The following SLC4A10 variants were observed in gnomAD, a reference collection of about 807,000 sequenced individuals.
The protein encoded by SLC4A10 is solute carrier family 4 member 10.
In SLC4A10, 42 loss-of-function variants were observed where a neutral mutation model predicts 137.7. The ratio of observed to expected loss-of-function variants is 0.30; its 90% CI spans 0.24 to 0.39. SLC4A10 has a LOEUF of 0.39. SLC4A10 is among the 10% of genes least tolerant of loss of function. The probability of loss-of-function intolerance (pLI) is 1.00; values close to 1 mark genes in which losing one functional copy is unlikely to be tolerated. For synonymous variants in SLC4A10, 474 were observed against 464.1 expected (o/e 1.02, Z -0.27); for missense variants, 925 against 1,355.0 (o/e 0.68, Z 4.98).
intron 16 of SLC4A10, among the ~76,000 whole-genome samples, chr2:161,946,777 C>T (rs1468575810): frequency 6.6e-6 from 1 of 152,022 alleles, no homozygotes; most frequent in Admixed American, 6.6e-5. Context: ...TACAGAACTA[C>T]AGTTGCAGAA....
chr2:161,778,768 C>A (rs1175021617), intron 2 of SLC4A10, among the ~76,000 whole-genome samples: 1 of 151,734 alleles, frequency 6.6e-6, no homozygotes, highest in East Asian at 1.9e-4. Flanking sequence ...TTTAAAGATA[C>A]TTTAAAAAAA....
intron 1 of SLC4A10, among the ~76,000 whole-genome samples, chr2:161,661,531 T>C (rs2038404178): frequency 6.6e-6 from 1 of 152,242 alleles, no homozygotes; most frequent in Admixed American, 6.5e-5. Flanking sequence ...TGAGTGGAAG[T>C]CTTTCTTTTG....
chr2:161,759,400 T>A (rs2050010591), intron 1 of SLC4A10, among the ~76,000 whole-genome samples: 1 of 151,988 alleles, frequency 6.6e-6, no homozygotes, highest in African/African-American at 2.4e-5. Context: ...TTAACTATAG[T>A]CATCATGCTC....
intron 1 of SLC4A10, among the ~76,000 whole-genome samples, chr2:161,766,522 GT>G (rs1265115339): frequency 6.6e-6 from 1 of 152,096 alleles, no homozygotes; most frequent in Non-Finnish European, 1.5e-5. Context: ...AATAGTGCTT[GT>G]TTTGACCTTT....
intron 1 of SLC4A10, among the ~76,000 whole-genome samples, chr2:161,744,341 G>T (rs964707970): frequency 8.6e-5 from 13 of 151,948 alleles, no homozygotes; most frequent in Non-Finnish European, 1.9e-4. Context: ...TAACATGAAG[G>T]GATGCTGAAT....
At chr2:161,633,025 T>C (rs2033841967) in intron 1 of SLC4A10, among the ~76,000 whole-genome samples, 1 of 151,572 alleles carries the variant, frequency 6.6e-6, no homozygotes, top group East Asian at 1.9e-4. Flanking sequence ...ATGATTTCAA[T>C]ATATGATGGC....
chr2:161,908,928 A>C (rs1685134791), intron 15 of SLC4A10, among the ~76,000 whole-genome samples: 1 of 151,998 alleles, frequency 6.6e-6, no homozygotes, highest in South Asian at 2.1e-4. Context: ...TAAGTAAGAC[A>C]AATGCTCAAA....
chr2:161,895,935 AT>A (rs1404551203), intron 11 of SLC4A10, among the ~76,000 whole-genome samples: 3 of 150,910 alleles, frequency 2.0e-5, no homozygotes. Context: ...CCATTTGTCA[AT>A]TTTGGCTTTT....
At chr2:161,887,386 G>T in intron 10 of SLC4A10, among the ~76,000 whole-genome samples, 1 of 140,150 alleles carries the variant, frequency 7.1e-6, no homozygotes, top group Non-Finnish European at 1.6e-5. Flanking sequence ...TTGAGGAATT[G>T]CCACACTGTC....
chr2:161,769,579 G>T (rs919148485), intron 1 of SLC4A10, among the ~76,000 whole-genome samples: 1 of 151,828 alleles, frequency 6.6e-6, no homozygotes, highest in African/African-American at 2.4e-5. Context: ...TTCCTTATAT[G>T]TTCCCCTCAG....
At chr2:161,654,335 T>C (rs1054187388) in intron 1 of SLC4A10, among the ~76,000 whole-genome samples, 2 of 152,212 alleles carry the variant, frequency 1.3e-5, no homozygotes, top group African/African-American at 4.8e-5. Context: ...AGGTTGCGTT[T>C]TCACTCTGTG....
intron 2 of SLC4A10, among the ~76,000 whole-genome samples, chr2:161,788,511 G>T (rs2053872463): frequency 6.6e-6 from 1 of 151,956 alleles, no homozygotes; most frequent in Non-Finnish European, 1.5e-5. Context: ...GGGGCAGGGG[G>T]CCTGCATTAG....
chr2:161,813,810 A>T (rs952044322), intron 3 of SLC4A10, among the ~76,000 whole-genome samples: 2 of 152,094 alleles, frequency 1.3e-5, no homozygotes, highest in African/African-American at 2.4e-5. Context: ...TGGAGGCATT[A>T]TGCCAGTTTT....
chr2:161,708,579 G>T, intron 1 of SLC4A10: 2 of 1,059,778 alleles, frequency 1.9e-6, no homozygotes, highest in Non-Finnish European at 2.6e-6. Flanking sequence ...TCTTAGTATG[G>T]GGTGTTTGTA....
At chr2:161,687,264 T>G (rs968170253) in intron 1 of SLC4A10, among the ~76,000 whole-genome samples, 2 of 152,188 alleles carry the variant, frequency 1.3e-5, no homozygotes, top group African/African-American at 4.8e-5. Flanking sequence ...TATGATTCTG[T>G]GTATGTATTT....
intron 1 of SLC4A10, among the ~76,000 whole-genome samples, chr2:161,638,474 A>G (rs1226443415): frequency 6.6e-6 from 1 of 152,018 alleles, no homozygotes; most frequent in Non-Finnish European, 1.5e-5. Context: ...ATTCTGTTTC[A>G]TTGATTTATG....
chr2:161,714,904 C>T (rs2044676048), intron 1 of SLC4A10, among the ~76,000 whole-genome samples: 1 of 151,760 alleles, frequency 6.6e-6, no homozygotes, highest in Admixed American at 6.6e-5. Context: ...CAGTGCCTAG[C>T]TTTTGGTTAT....
chr2:161,836,133 A>T (rs2058751638), intron 3 of SLC4A10, among the ~76,000 whole-genome samples: 1 of 152,034 alleles, frequency 6.6e-6, no homozygotes, highest in Non-Finnish European at 1.5e-5. Context: ...GACTGTTCTC[A>T]GTTGATTCTG....
chr2:161,928,900 A>C (rs796350412), intron 15 of SLC4A10, among the ~76,000 whole-genome samples: 88 of 152,310 alleles, frequency 5.8e-4, no homozygotes, highest in African/African-American at 2.0e-3. Context: ...ACACATATAC[A>C]TTTGTACATG....
Sources: allele counts gnomAD v4.1 joint callset (sites outside exome capture counted in the v4.1 genomes callset), GRCh38; gene constraint gnomAD v4.1.1; transcripts MANE v1.5; gene names NCBI Gene and HGNC (gene_info 2026-07-23, HGNC 2026-07-21).